Variants in CNTNAP5 observed in about 807,000 individuals in gnomAD.
CNTNAP5 encodes the protein contactin-associated protein-like 5.
In CNTNAP5, 72 loss-of-function variants were observed where a neutral mutation model predicts 150.2. The observed-to-expected ratio is 0.48, with a 90% CI of 0.40 to 0.58. The LOEUF (loss-of-function observed/expected upper bound fraction) is 0.58, where lower values mean the gene tolerates loss of function less well. CNTNAP5 is among the 20% of genes least tolerant of loss of function. The pLI is 0.00. For synonymous variants in CNTNAP5, 672 were observed against 619.8 expected, an observed-to-expected ratio of 1.08 and a Z score of -1.25; for missense variants, 1,636 against 1,626.2, an observed-to-expected ratio of 1.01 and a Z score of -0.10.
At chr2:124,608,742 C>G (rs896128820) in intron 11 of CNTNAP5, among the ~76,000 whole-genome samples, 2 of 151,884 alleles carry the variant, frequency 1.3e-5, no homozygotes, top group African/African-American at 2.4e-5. Context: ...GTCAGGAGTT[C>G]GAGACCAGCC....
intron 4 of CNTNAP5, among the ~76,000 whole-genome samples, chr2:124,422,574 G>T (rs558106913): frequency 1.3e-5 from 2 of 152,304 alleles, no homozygotes; most frequent in Admixed American, 1.3e-4. Flanking sequence ...TGTCAACATT[G>T]CCAAATGTTG....
chr2:124,892,441 C>T (rs1162239516), intron 21 of CNTNAP5, among the ~76,000 whole-genome samples: 3 of 152,080 alleles, frequency 2.0e-5, no homozygotes, highest in Non-Finnish European at 4.4e-5. Context: ...GTTTGAGCTC[C>T]ATTATACTGG....
chr2:124,460,745 C>G (rs1558912707), intron 6 of CNTNAP5, among the ~76,000 whole-genome samples: 1 of 152,156 alleles, frequency 6.6e-6, no homozygotes. Flanking sequence ...TGCTGCCTTC[C>G]TTACTTTTAC....
chr2:124,369,059 G>A (rs1244812026), intron 3 of CNTNAP5, among the ~76,000 whole-genome samples: 1 of 152,120 alleles, frequency 6.6e-6, no homozygotes, highest in African/African-American at 2.4e-5. Flanking sequence ...TTAGAAAAGG[G>A]GAAGAGAGAG....
At chr2:124,569,545 A>T (rs142313504) in intron 11 of CNTNAP5, among the ~76,000 whole-genome samples, 380 of 152,342 alleles carry the variant, frequency 2.5e-3, no homozygotes, top group African/African-American at 8.6e-3. Flanking sequence ...GATTACTGTC[A>T]CATTGAACAG....
chr2:124,312,602 G>A (rs1052331793), intron 3 of CNTNAP5, among the ~76,000 whole-genome samples: 1 of 151,680 alleles, frequency 6.6e-6, no homozygotes, highest in Non-Finnish European at 1.5e-5. Context: ...ACGGAGTCTC[G>A]CTCTTTCGCC....
At chr2:124,474,348 A>G (rs1263371800) in intron 6 of CNTNAP5, among the ~76,000 whole-genome samples, 1 of 152,082 alleles carries the variant, frequency 6.6e-6, no homozygotes, top group Non-Finnish European at 1.5e-5. Context: ...GTTCTTCTGT[A>G]GCTGAATAGA....
rs112646299 is a variant in CNTNAP5 at position 124,048,289 on chromosome 2, A to G, written c.82+22557A>G. Among the ~76,000 whole-genome samples, 1,137 of 152,298 alleles carry G rather than the reference A, an allele frequency of 7.5e-3. 17 individuals are homozygous for G. The highest frequency in any genetic ancestry group is 0.026 in the African/African-American group (1,074 of 41,564). On this transcript the variant is annotated intron_variant, in intron 1 of 23. Coordinates refer to ENST00000682447, the MANE Select transcript of CNTNAP5 (RefSeq NM_001367498.1). ...CTACTCTAGGAATGTCAGCTTGAGT[A>G]ACCTCTTAACTATCCTATTTCCTGT...
At chr2:124,485,052 C>T (rs928826966) in intron 7 of CNTNAP5, among the ~76,000 whole-genome samples, 1 of 152,056 alleles carries the variant, frequency 6.6e-6, no homozygotes, top group Non-Finnish European at 1.5e-5. Context: ...AACGCTTCAC[C>T]TTTTGTCACA....
chr2:124,503,707 G>A (rs1016607527), intron 7 of CNTNAP5, among the ~76,000 whole-genome samples: 1 of 152,072 alleles, frequency 6.6e-6, no homozygotes. Flanking sequence ...TATGCTACCC[G>A]GACCTTCCTG....
intron 13 of CNTNAP5, among the ~76,000 whole-genome samples, chr2:124,720,930 T>C (rs1490023770): frequency 6.6e-6 from 1 of 152,172 alleles, no homozygotes; most frequent in Non-Finnish European, 1.5e-5. Flanking sequence ...TACTTTAAGA[T>C]GGTAAAATTG....
chr2:124,140,298 A>G lies in CNTNAP5; in HGVS notation c.83-81407A>G, dbSNP rs1451721688. ...GGGTGGAGCCCACCACAGCTCAAGG[A>G]GGCCTGCCTGCCTCTGTAGGCTCCA... On this transcript the variant is annotated intron_variant, in intron 1 of 23. Coordinates refer to ENST00000682447, the MANE Select transcript of CNTNAP5 (RefSeq NM_001367498.1). 2.0e-3 allele frequency among the ~76,000 whole-genome samples: 302 copies of G among 151,888 alleles called. 4 individuals are homozygous for G. Among genetic ancestry groups the G allele is most frequent in the Admixed American group, 0.017 (262 of 15,250 alleles).
chr2:124,257,771 A>G (rs1464868036), intron 3 of CNTNAP5, among the ~76,000 whole-genome samples: 2 of 150,400 alleles, frequency 1.3e-5, no homozygotes, highest in Admixed American at 6.7e-5. Context: ...AGTCTTGTCC[A>G]TGAAACTGGA....
intron 19 of CNTNAP5, among the ~76,000 whole-genome samples, chr2:124,809,336 T>C (rs866361390): frequency 7.2e-5 from 11 of 152,068 alleles, no homozygotes; most frequent in African/African-American, 2.7e-4. Flanking sequence ...CATAATATCT[T>C]CAGCTAGATA....
intron 1 of CNTNAP5, among the ~76,000 whole-genome samples, chr2:124,099,225 A>G (rs1683009528): frequency 6.6e-6 from 1 of 152,052 alleles, no homozygotes; most frequent in Admixed American, 6.5e-5. Flanking sequence ...CTCTACACCT[A>G]CGCAACTCTT....
chr2:124,530,128 A>G (rs1025379374), intron 10 of CNTNAP5, among the ~76,000 whole-genome samples: 1 of 152,084 alleles, frequency 6.6e-6, no homozygotes, highest in Non-Finnish European at 1.5e-5. Flanking sequence ...CCTGGCCAAT[A>G]TGGTAATATC....
rs1553435818 is a variant in CNTNAP5 at position 124,084,924 on chromosome 2, G to GTTTTGTTTTTTTTTTTTTTTTTTTT, written c.82+59196_82+59197insGTTTTTTTTTTTTTTTTTTTTTTTT. ...TAAAAATTATGAATTCAAGTTTCCT[G>GTTTTGTTTTTTTTTTTTTTTTTTTT]TTTTTTTTTTTTTTTGAGACGGAGT... is the stretch of plus-strand genomic sequence containing the variant. On this transcript the variant is annotated intron_variant, in intron 1 of 23. Coordinates refer to ENST00000682447, the MANE Select transcript of CNTNAP5 (RefSeq NM_001367498.1). 2.2e-5 allele frequency among the ~76,000 whole-genome samples: 2 copies of GTTTTGTTTTTTTTTTTTTTTTTTTT among 89,980 alleles called. 1 individual carries two copies. The allele number at this position is 89,980 out of a possible 152,430, so 59.0% of individuals were successfully genotyped here.
At chr2:124,490,858 C>G (rs931016297) in intron 7 of CNTNAP5, among the ~76,000 whole-genome samples, 3 of 151,920 alleles carry the variant, frequency 2.0e-5, no homozygotes, top group Non-Finnish European at 4.4e-5. Context: ...TTAAGTTACT[C>G]TGTTTTAAAA....
chr2:124,257,713 T>A (rs978972681), intron 3 of CNTNAP5, among the ~76,000 whole-genome samples: 3 of 152,122 alleles, frequency 2.0e-5, no homozygotes, highest in African/African-American at 7.2e-5. Flanking sequence ...GATTTGGTTA[T>A]AATCCACCCC....
Sources: allele counts gnomAD v4.1 joint callset (sites outside exome capture counted in the v4.1 genomes callset), GRCh38; gene constraint gnomAD v4.1.1; transcripts MANE v1.5; gene names NCBI Gene and HGNC (gene_info 2026-07-23, HGNC 2026-07-21).